Variants in MASP1 observed in about 807,000 individuals in gnomAD.
The protein encoded by MASP1 is MBL associated serine protease 1.
MASP1 carries 59 observed loss-of-function variants against 77.1 expected under a neutral mutation model. The observed-to-expected ratio is 0.77, with a 90% CI of 0.62 to 0.95. The LOEUF (loss-of-function observed/expected upper bound fraction) is 0.95. Ranked by LOEUF, MASP1 falls within the 40% of genes least tolerant of loss-of-function variation. The pLI, the probability that MASP1 is intolerant of heterozygous loss-of-function variation, is 0.00. For synonymous variants in MASP1, 362 were observed against 354.5 expected (o/e 1.02, Z -0.24); for missense variants, 885 against 912.9 (o/e 0.97, Z 0.39).
intron 8 of MASP1, among the ~76,000 whole-genome samples, chr3:187,248,272 T>C (rs1044306442): frequency 2.0e-5 from 3 of 152,170 alleles, no homozygotes; most frequent in Admixed American, 2.0e-4. Context: ...TTTCCAAAAA[T>C]GTGAATGAGA....
intron 13 of MASP1, chr3:187,223,306 T>TTC: frequency 1.1e-6 from 1 of 907,194 alleles, no homozygotes; most frequent in East Asian, 2.5e-5. Context: ...GGATTGTTCT[T>TTC]CTCAGAGAAA....
chr3:187,254,164 G>A (rs1714870424), intron 5 of MASP1, among the ~76,000 whole-genome samples: 1 of 152,088 alleles, frequency 6.6e-6, no homozygotes, highest in African/African-American at 2.4e-5. Context: ...ATTGTAGGCT[G>A]TCATAAGGGT....
chr3:187,255,614 AC>A (rs1443657876), intron 5 of MASP1, among the ~76,000 whole-genome samples: 1 of 152,138 alleles, frequency 6.6e-6, no homozygotes, highest in Non-Finnish European at 1.5e-5. Context: ...CTTCCTGCTA[AC>A]CCCCTCCAGT....
At chr3:187,249,146 C>T (rs1714350392) in intron 8 of MASP1, among the ~76,000 whole-genome samples, 1 of 152,254 alleles carries the variant, frequency 6.6e-6, no homozygotes. Context: ...CAATCTCCGC[C>T]TCCTGGGTTC....
intron 13 of MASP1, among the ~76,000 whole-genome samples, chr3:187,224,415 C>T (rs1473603577): frequency 5.6e-5 from 8 of 142,626 alleles, no homozygotes; most frequent in Admixed American, 2.2e-4. Context: ...GGCGGGATCT[C>T]GGCTCACTGC....
chr3:187,268,166 C>T (rs1036878770), intron 2 of MASP1, among the ~76,000 whole-genome samples: 20 of 152,136 alleles, frequency 1.3e-4, no homozygotes, highest in Admixed American at 1.3e-4. Context: ...AACTTGTCTG[C>T]GGCAACTTAG....
chr3:187,219,928 A>G (rs1711934375), exon 16 of MASP1: 1 of 800,992 alleles, frequency 1.2e-6, no homozygotes, highest in Non-Finnish European at 2.1e-6. Context: ...GGGGGTGAAG[A>G]TACCTGCTCT....
At position 187,278,564 on chromosome 3, in the gene MASP1, C is replaced by T. The variant is rs148932376; in HGVS notation, c.237+7261G>A. Among the ~76,000 whole-genome samples, 4 of 152,300 alleles carry T rather than the reference C, an allele frequency of 2.6e-5. No individual in the cohort carries two copies. The East Asian group carries it at 5.8e-4, about 22-fold the overall frequency. On this transcript the variant is annotated intron_variant, in intron 2 of 10. Transcript: ENST00000296280. ...GTCTCAAAATTTAGACCAGCATTTCCAGCTGTATTCAAAACTCAATGCACT... is the reference window on the plus strand; with the variant it reads ...GTCTCAAAATTTAGACCAGCATTTCTAGCTGTATTCAAAACTCAATGCACT...
In MASP1 at chr3:187,226,459, CG is replaced by C. The variant is rs1560230553; in HGVS notation, c.1502del (p.Pro501ArgfsTer64). 1.2e-6 allele frequency: 2 copies of C among 1,612,902 alleles called. No homozygotes were observed. Among genetic ancestry groups the C allele is most frequent in the South Asian group, 2.2e-5 (2 of 90,636 alleles). Reference sequence around the variant, plus strand: ...TGAGCAAGTCTGAATCACGTAGGGTCGGATCTTCCGGATCGAGTGACTGGTG... The same window carrying C: ...TGAGCAAGTCTGAATCACGTAGGGTCGATCTTCCGGATCGAGTGACTGGTG... On this transcript the variant is annotated frameshift_variant, in exon 12 of 16. Transcript: ENST00000337774. LOFTEE classifies it high-confidence loss of function.
intron 1 of MASP1, among the ~76,000 whole-genome samples, chr3:187,288,891 CTTTG>C (rs1718072186): frequency 1.3e-5 from 2 of 152,326 alleles, no homozygotes; most frequent in South Asian, 2.1e-4. Context: ...TTCCCTTCTA[CTTTG>C]TTTGCATCTC....
Position 187,243,558 on chromosome 3 carries a change from T to C in MASP1, c.1154A>G (p.Asn385Ser). The change falls in exon 9 of 11, where the codon AAC becomes AGC. Residue 385 changes from asparagine (N) to serine (S), a missense_variant. Coordinates refer to ENST00000296280, the MANE Select transcript of MASP1 (RefSeq NM_139125.4). ...GATCTCAGACTTGTATGTGGTGAGG[T>C]TGTTCCTTGTAGAGAAGGTGATCAG... is the stretch of plus-strand genomic sequence containing the variant. ...HGLITFSTRNNLTTYKSEIKY... is the reference protein window; with the variant it reads ...HGLITFSTRNSLTTYKSEIKY... 2 of 1,614,048 alleles carry C rather than the reference T, an allele frequency of 1.2e-6. No homozygotes were observed. The highest frequency in any genetic ancestry group is 1.7e-6 in the Non-Finnish European group (2 of 1,180,002).
intron 8 of MASP1, chr3:187,247,091 A>AC: frequency 7.2e-7 from 1 of 1,391,510 alleles, no homozygotes; most frequent in Admixed American, 3.0e-5. Flanking sequence ...TAAATCCCAC[A>AC]TTTTTTTTTC....
chr3:187,260,909 A>G lies in MASP1; in HGVS notation c.416-37T>C, dbSNP rs1329232257. The G allele has an allele frequency of 3.7e-6, 6 of 1,613,398 alleles. No individual in the cohort carries two copies. In the South Asian group the frequency reaches 6.6e-5, roughly 18 times the overall value. ...GTAAAGCCTCTCCATCAATACATGC[A>G]TGATGATGAAGACTACAGCCAACAT... On this transcript the variant is annotated intron_variant, in intron 3 of 10. Coordinates refer to ENST00000296280, the MANE Select transcript of MASP1 (RefSeq NM_139125.4).
At chr3:187,219,957 G>T in exon 16 of MASP1, 1 of 1,079,374 alleles carries the variant, frequency 9.3e-7, no homozygotes. Context: ...GTAATGGATA[G>T]GCCGAAGGAG....
chr3:187,223,488 C>G (rs1348194856), intron 13 of MASP1, among the ~76,000 whole-genome samples: 1 of 152,184 alleles, frequency 6.6e-6, no homozygotes, highest in Non-Finnish European at 1.5e-5. Flanking sequence ...GAATCTCATT[C>G]TTGGTCACTG....
intron 2 of MASP1, among the ~76,000 whole-genome samples, chr3:187,271,368 G>C (rs1267180769): frequency 6.6e-6 from 1 of 152,164 alleles, no homozygotes; most frequent in Non-Finnish European, 1.5e-5. Context: ...GATATTTATA[G>C]CAGTCATATG....
At chr3:187,250,410 A>C in intron 7 of MASP1, 81 bp from the exon 8 acceptor site, 4 of 971,438 alleles carry the variant, frequency 4.1e-6, no homozygotes, top group Non-Finnish European at 6.7e-6. Context: ...AAACCAACTC[A>C]AGCTCCACAC....
At chr3:187,255,921 C>T (rs1579525694) in intron 5 of MASP1, among the ~76,000 whole-genome samples, 1 of 152,186 alleles carries the variant, frequency 6.6e-6, no homozygotes, top group South Asian at 2.1e-4. Flanking sequence ...TTATCCCCAG[C>T]TCAGGGTCTC....
At chr3:187,255,811 T>C (rs923878277) in intron 5 of MASP1, among the ~76,000 whole-genome samples, 1 of 152,112 alleles carries the variant, frequency 6.6e-6, no homozygotes, top group Non-Finnish European at 1.5e-5. Flanking sequence ...CTAGGTCTCA[T>C]AATCTATTAT....
Sources: allele counts gnomAD v4.1 joint callset (sites outside exome capture counted in the v4.1 genomes callset), GRCh38; gene constraint gnomAD v4.1.1; transcripts MANE v1.5; gene names NCBI Gene and HGNC (gene_info 2026-07-23, HGNC 2026-07-21).